The following PDE3B variants were observed in gnomAD, a reference collection of about 807,000 sequenced individuals.
The protein encoded by PDE3B is cGMP-inhibited 3',5'-cyclic phosphodiesterase 3B.
A neutral mutation model predicts 116.8 loss-of-function variants in PDE3B; 66 were observed. That is an observed-to-expected ratio of 0.56 (90% CI 0.46 to 0.69). The LOEUF is 0.69. Among genes scored for constraint, PDE3B ranks in the 30% least tolerant of loss-of-function variants. PDE3B has a pLI of 0.00. For synonymous variants in PDE3B, 595 were observed against 533.6 expected (o/e 1.12, Z -1.59); for missense variants, 1,384 against 1,368.1 (o/e 1.01, Z -0.18).
intron 1 of PDE3B, among the ~76,000 whole-genome samples, chr11:14,755,351 G>A (rs1857156687): frequency 1.3e-5 from 2 of 152,146 alleles, no homozygotes; most frequent in South Asian, 2.1e-4. Context: ...GTTTAACTGT[G>A]CAATCAAGGA....
chr11:14,677,598 A>G (rs1360406397), intron 1 of PDE3B, among the ~76,000 whole-genome samples: 2 of 152,150 alleles, frequency 1.3e-5, no homozygotes, highest in South Asian at 2.1e-4. Flanking sequence ...GAATTTTACC[A>G]TGAGTATAGA....
rs1848144406 is a variant in PDE3B, at chr11:14,871,716, A to G, written c.*2056A>G. 6.6e-6 allele frequency: 1 copy of G among 152,182 alleles called. No homozygotes were observed. The highest frequency in any genetic ancestry group is 1.5e-5 in the Non-Finnish European group (1 of 68,006). The allele number at this position is 152,182 out of a possible 1,614,324, so 9.4% of individuals were successfully genotyped here. ...TCCTTAAATTATTTAACCCTTGCTA[A>G]GTAATTGACATATGTAACAATAACT... is the stretch of plus-strand genomic sequence containing the variant. On this transcript the variant is annotated 3_prime_UTR_variant, in exon 16 of 16. Coordinates refer to ENST00000282096, the MANE Select transcript of PDE3B (RefSeq NM_000922.4).
chr11:14,664,274 G>C (rs1013904716), intron 1 of PDE3B, among the ~76,000 whole-genome samples: 1 of 152,098 alleles, frequency 6.6e-6, no homozygotes, highest in Non-Finnish European at 1.5e-5. Flanking sequence ...GCAGTGTGTA[G>C]AGGGAAATTT....
chr11:14,661,548 C>G (rs1853909910), intron 1 of PDE3B, among the ~76,000 whole-genome samples: 1 of 152,204 alleles, frequency 6.6e-6, no homozygotes. Context: ...AGTTCCCTTT[C>G]CTAGTCAAAG....
At chr11:14,898,571 C>T in the PDE3B span, among the ~76,000 whole-genome samples, 148 of 152,208 alleles carry the variant, frequency 9.7e-4, no homozygotes, top group Admixed American at 3.3e-3. Context: ...ATTTTGATTT[C>T]CAAAAGCTAT....
chr11:14,762,254 A>C (rs564031668), intron 1 of PDE3B, among the ~76,000 whole-genome samples: 1 of 151,722 alleles, frequency 6.6e-6, no homozygotes, highest in Non-Finnish European at 1.5e-5. Context: ...GGCATTCACC[A>C]CCCCACCCAG....
downstream of PDE3B, among the ~76,000 whole-genome samples, chr11:14,875,238 T>C (rs1848178962): frequency 6.6e-6 from 1 of 152,184 alleles, no homozygotes; most frequent in Non-Finnish European, 1.5e-5. Context: ...CCGTGAAGAA[T>C]GGGCTCCCAT....
intron 1 of PDE3B, among the ~76,000 whole-genome samples, chr11:14,665,792 T>C (rs1157003914): frequency 6.6e-5 from 10 of 151,966 alleles, no homozygotes; most frequent in African/African-American, 1.5e-4. Context: ...AGGATACAAA[T>C]AAATGGAAGA....
intron 1 of PDE3B, among the ~76,000 whole-genome samples, chr11:14,708,289 C>T (rs1317741812): frequency 6.6e-6 from 1 of 152,028 alleles, no homozygotes; most frequent in African/African-American, 2.4e-5. Flanking sequence ...TGAGAGGAAA[C>T]AACCTGAGGC....
intron 1 of PDE3B, among the ~76,000 whole-genome samples, chr11:14,722,456 A>G (rs1170299012): frequency 1.3e-5 from 2 of 152,226 alleles, no homozygotes; most frequent in African/African-American, 2.4e-5. Context: ...CCATTGAGTC[A>G]AGAGAGAAAC....
chr11:14,867,276 C>T (rs563951178), intron 14 of PDE3B, among the ~76,000 whole-genome samples: 1 of 152,200 alleles, frequency 6.6e-6, no homozygotes, highest in Admixed American at 6.5e-5. Context: ...TTCTTATTAA[C>T]TGAGTATCAG....
chr11:14,779,463 G>A (rs770779446), intron 2 of PDE3B, among the ~76,000 whole-genome samples: 12 of 152,286 alleles, frequency 7.9e-5, no homozygotes, highest in Middle Eastern at 3.4e-3. Context: ...GACTAACAGC[G>A]GATCTCTCGG....
At position 14,819,179 on chromosome 11, in the gene PDE3B, G is replaced by A; in HGVS notation, c.1777G>A (p.Asp593Asn). 6.3e-7 allele frequency: 1 copy of A among 1,597,458 alleles called. No homozygotes were observed. Among genetic ancestry groups the A allele is most frequent in the Non-Finnish European group, 8.6e-7 (1 of 1,168,962 alleles). The change falls in exon 7 of 16, where the codon GAT becomes AAT. Residue 593 changes from aspartate to asparagine, a missense_variant. By Grantham distance (23) the Asp-to-Asn change is conservative. This residue lies in a region of PDE3B where 956 missense variants were observed against 806.8 expected (regional missense o/e 1.18). Transcript: ENST00000282096. ...GAAATATGTTTCAACATCTGAATCAGATGGTACAGATTGCTGCAGTGGAAA... is the reference window on the plus strand; with the variant it reads ...GAAATATGTTTCAACATCTGAATCAAATGGTACAGATTGCTGCAGTGGAAA... ...MLKYVSTSESDGTDCCSGKSG... is the reference protein window; with the variant it reads ...MLKYVSTSESNGTDCCSGKSG...
chr11:14,766,121 T>G (rs1205812779), intron 1 of PDE3B, among the ~76,000 whole-genome samples: 1 of 151,692 alleles, frequency 6.6e-6, no homozygotes, highest in East Asian at 1.9e-4. Context: ...TCACAATTTT[T>G]GAAAACTAAA....
At chr11:14,832,602 A>G (rs1447868255) in intron 9 of PDE3B, 120 bp from the exon 10 acceptor site, 1 of 436,376 alleles carries the variant, frequency 2.3e-6, no homozygotes, top group African/African-American at 2.1e-5. Flanking sequence ...TAAATAAATT[A>G]TTAAAGACGT....
chr11:14,722,523 A>G (rs958265212), intron 1 of PDE3B, among the ~76,000 whole-genome samples: 1 of 152,232 alleles, frequency 6.6e-6, no homozygotes, highest in Non-Finnish European at 1.5e-5. Context: ...TTTGTTGAGT[A>G]GTATAGTGGA....
At chr11:14,785,963 C>T (rs537367885) in intron 2 of PDE3B, among the ~76,000 whole-genome samples, 1 of 152,084 alleles carries the variant, frequency 6.6e-6, no homozygotes. Context: ...ATAAGGTAGA[C>T]ATTACTATCC....
chr11:14,708,899 G>A (rs912917268), intron 1 of PDE3B, among the ~76,000 whole-genome samples: 1 of 151,926 alleles, frequency 6.6e-6, no homozygotes, highest in Non-Finnish European at 1.5e-5. Flanking sequence ...TCTTATTTTT[G>A]CACCTCTTCT....
chr11:14,748,984 G>A (rs549529768), intron 1 of PDE3B, among the ~76,000 whole-genome samples: 3 of 151,808 alleles, frequency 2.0e-5, no homozygotes, highest in African/African-American at 7.2e-5. Context: ...CGCCGCCTGG[G>A]TTCATGTGAT....
Sources: gnomAD v4.1 joint callset for allele counts (sites outside exome capture counted in the v4.1 genomes callset) on GRCh38, gnomAD v4.1.1 for gene constraint, gnomAD v4.1.1 regional missense constraint, MANE v1.5 for transcripts, NCBI Gene and HGNC (gene_info 2026-07-23, HGNC 2026-07-21) for gene names.